HERC2: variants seen among roughly 807,000 people sequenced by gnomAD.
HERC2 encodes HECT and RLD domain containing E3 ubiquitin protein ligase 2.
In HERC2, 102 loss-of-function variants were observed where a neutral mutation model predicts 537.7. The ratio of observed to expected loss-of-function variants is 0.19; its 90% confidence interval spans 0.16 to 0.22. HERC2 has a LOEUF of 0.22. HERC2 is among the 10% of genes least tolerant of loss of function. The pLI is 1.00. For missense variants in HERC2, 4,236 were observed against 6,198.2 expected, an observed-to-expected ratio of 0.68 and a Z score of 10.63; for synonymous variants, 2,224 against 2,466.2, an observed-to-expected ratio of 0.90 and a Z score of 2.91.
At chr15:28,297,011 C>T (rs1309356386) in intron 3 of HERC2, among the ~76,000 whole-genome samples, 5 of 152,178 alleles carry the variant, frequency 3.3e-5, no homozygotes, top group Non-Finnish European at 5.9e-5. Flanking sequence ...TGCGGGCATA[C>T]GCACGAAAGA....
chr15:28,209,958 T>TA (rs1898968389), intron 44 of HERC2, among the ~76,000 whole-genome samples: 1 of 138,586 alleles, frequency 7.2e-6, no homozygotes, highest in African/African-American at 2.8e-5. Flanking sequence ...TTTTTTTTTT[T>TA]TTTTTTTTGA....
intron 48 of HERC2, 38 bp downstream of exon 48, chr15:28,201,418 A>C: frequency 7.6e-7 from 1 of 1,318,226 alleles, no homozygotes; most frequent in Non-Finnish European, 1.1e-6. Flanking sequence ...TGCTGAATGA[A>C]AAACGGATCG....
At chr15:28,120,446 C>T (rs762002228) in intron 86 of HERC2, among the ~76,000 whole-genome samples, 10 of 152,166 alleles carry the variant, frequency 6.6e-5, no homozygotes, top group Non-Finnish European at 1.2e-4. Flanking sequence ...ATCCAAGAGG[C>T]GAGGCCAGTT....
At chr15:28,258,477 T>TAAC (rs932126088) in intron 16 of HERC2, among the ~76,000 whole-genome samples, 2 of 151,654 alleles carry the variant, frequency 1.3e-5, no homozygotes, top group African/African-American at 4.8e-5. Flanking sequence ...CATCTCAAAA[T>TAAC]AATAATAATA....
At chr15:28,115,569 G>C in intron 88 of HERC2, 28 bp from the exon 89 acceptor site, 4 of 1,540,992 alleles carry the variant, frequency 2.6e-6, no homozygotes, top group Non-Finnish European at 3.6e-6. Flanking sequence ...AAGTGACAGA[G>C]GACACTTCAA....
At chr15:28,317,909 TA>T (rs952510967) in intron 2 of HERC2, among the ~76,000 whole-genome samples, 3 of 152,198 alleles carry the variant, frequency 2.0e-5, no homozygotes, top group African/African-American at 7.2e-5. Context: ...TATTTCAAAA[TA>T]AAAAGTTTTT....
At chr15:28,206,554 T>C (rs1898462242) in intron 44 of HERC2, among the ~76,000 whole-genome samples, 172 bp from the exon 45 acceptor site, 2 of 151,186 alleles carry the variant, frequency 1.3e-5, no homozygotes, top group Non-Finnish European at 2.9e-5. Context: ...AGACTCTAGG[T>C]TGGGTGCGGT....
chr15:28,141,400 A>G (rs756876591), intron 78 of HERC2, 32 bp downstream of exon 78: 4 of 1,606,060 alleles, frequency 2.5e-6, no homozygotes, highest in South Asian at 2.2e-5. Context: ...CTCAGGCTCA[A>G]TGACCTTGTG....
At chr15:28,181,368 A>G (rs375586875) in intron 57 of HERC2, among the ~76,000 whole-genome samples, 1 of 152,222 alleles carries the variant, frequency 6.6e-6, no homozygotes, top group Non-Finnish European at 1.5e-5. Context: ...CTCACAGCTC[A>G]CTGCCCACTG....
Position 28,213,887 on chromosome 15 carries a change from T to C in HERC2, c.6641A>G (p.Asp2214Gly). The C allele has an allele frequency of 6.2e-7, 1 of 1,613,760 alleles. No homozygotes were observed. The highest frequency in any genetic ancestry group is 2.2e-5 in the East Asian group (1 of 44,852). Residue 2214 changes from aspartate (D) to glycine (G), a missense_variant, in exon 42 of 93, where the codon GAT (aspartate) becomes GGT (glycine). Physicochemically the swap from Asp to Gly is moderately conservative, Grantham distance 94. This residue lies in a region of HERC2 where 365 missense variants were observed against 468.8 expected (regional missense o/e 0.78). Transcript: ENST00000261609. ...TTGACCGCCCAGGCGCAGGCGACCATCGATGCCTCCAATCACAGCCAGGAC... is the reference window on the plus strand; with the variant it reads ...TTGACCGCCCAGGCGCAGGCGACCACCGATGCCTCCAATCACAGCCAGGAC... ...MAVLAVIGGIDGRLRLGGQVM... is the reference protein window; with the variant it reads ...MAVLAVIGGIGGRLRLGGQVM...
At chr15:28,218,704 T>G in intron 37 of HERC2, 33 bp from the exon 38 acceptor site, 1 of 1,526,414 alleles carries the variant, frequency 6.6e-7, no homozygotes. Flanking sequence ...CAAATTATAT[T>G]CCCAAGTAAA....
intron 56 of HERC2, among the ~76,000 whole-genome samples, chr15:28,185,741 G>GAA (rs1896247246): frequency 6.6e-6 from 1 of 152,158 alleles, no homozygotes; most frequent in Non-Finnish European, 1.5e-5. Context: ...TATGGCCTGG[G>GAA]GGGAAGTTTT....
intron 4 of HERC2, among the ~76,000 whole-genome samples, chr15:28,292,661 G>A (rs767805440): frequency 1.3e-5 from 2 of 152,120 alleles, no homozygotes; most frequent in Non-Finnish European, 2.9e-5. Context: ...AATTAGTCAA[G>A]CGTGATGGCT....
intron 83 of HERC2, among the ~76,000 whole-genome samples, chr15:28,126,038 C>T (rs1271313470): frequency 1.3e-5 from 2 of 152,192 alleles, no homozygotes; most frequent in African/African-American, 2.4e-5. Flanking sequence ...TCTCGAACTC[C>T]TGACTTGGTG....
intron 88 of HERC2, among the ~76,000 whole-genome samples, chr15:28,116,363 G>A (rs1207430921): frequency 6.6e-6 from 1 of 151,798 alleles, no homozygotes; most frequent in Non-Finnish European, 1.5e-5. Flanking sequence ...ACAGGTGCAT[G>A]CCACCACAGC....
At chr15:28,156,734 A>G (rs142902862) in intron 69 of HERC2, among the ~76,000 whole-genome samples, 93 of 152,254 alleles carry the variant, frequency 6.1e-4, no homozygotes, top group African/African-American at 2.2e-3. Flanking sequence ...CTAATTGAAT[A>G]CCCTTTATTT....
intron 78 of HERC2, among the ~76,000 whole-genome samples, chr15:28,140,122 T>C (rs1337536802): frequency 6.7e-6 from 1 of 150,132 alleles, no homozygotes; most frequent in African/African-American, 2.4e-5. Flanking sequence ...TCAAAACACG[T>C]AGAAAGAGTG....
chr15:28,161,792 T>G (rs1394996805), intron 69 of HERC2, among the ~76,000 whole-genome samples: 2 of 152,186 alleles, frequency 1.3e-5, no homozygotes, highest in Admixed American at 1.3e-4. Context: ...GCTGTAATAG[T>G]TAAAATACCA....
At chr15:28,130,365 C>A (rs903994112) in intron 82 of HERC2, 63 bp from the exon 83 acceptor site, 11 of 1,609,440 alleles carry the variant, frequency 6.8e-6, no homozygotes, top group Admixed American at 1.7e-5. Flanking sequence ...CCCTGACCAG[C>A]CTCCTGGGCA....
Sources: gnomAD v4.1 joint callset for allele counts (sites outside exome capture counted in the v4.1 genomes callset) on GRCh38, gnomAD v4.1.1 for gene constraint, gnomAD v4.1.1 regional missense constraint, MANE v1.5 for transcripts, NCBI Gene and HGNC (gene_info 2026-07-23, HGNC 2026-07-21) for gene names.